The following CYP21A2 variants were observed in gnomAD, a reference collection of about 807,000 sequenced individuals.
The protein encoded by CYP21A2 is steroid 21-hydroxylase.
In CYP21A2, 24 loss-of-function variants were observed where a neutral mutation model predicts 47.4. The ratio of observed to expected loss-of-function variants is 0.51; its 90% confidence interval spans 0.37 to 0.71. CYP21A2 has a LOEUF of 0.71. CYP21A2 is among the 30% of genes least tolerant of loss of function. The pLI, the probability that CYP21A2 is intolerant of heterozygous loss-of-function variation, is 0.00. For missense variants in CYP21A2, 358 were observed against 643.2 expected, an observed-to-expected ratio of 0.56 and a Z score of 4.80; for synonymous variants, 130 against 273.9, an observed-to-expected ratio of 0.47 and a Z score of 5.19.
In CYP21A2 at chr6:32,039,992, T is replaced by C. The variant is rs748955498; in HGVS notation, c.739-13T>C. On this transcript the variant is annotated splice_polypyrimidine_tract_variant and intron_variant, in intron 6 of 9. Transcript: ENST00000644719. ...AGGCCAGCCGCTCAGCCCGCTCCTT[T>C]CACCCTCTGCAGGAGAGCCTCGTGG... 2.5e-6 allele frequency: 4 copies of C among 1,611,592 alleles called. No individual in the cohort carries two copies. Among genetic ancestry groups the C allele is most frequent in the African/African-American group, 1.3e-5 (1 of 74,750 alleles).
At chr6:32,039,876 C>T (rs1326596558) in intron 6 of CYP21A2, 41 bp downstream of exon 6, 4 of 1,608,062 alleles carry the variant, frequency 2.5e-6, no homozygotes, top group Non-Finnish European at 2.5e-6. Context: ...GGCCCACAGC[C>T]AGTGATGCTA....
chr6:32,038,694 C>T (rs745647843), intron 1 of CYP21A2, 28 bp from the exon 2 acceptor site: 28 of 1,484,382 alleles, frequency 1.9e-5, no homozygotes, highest in South Asian at 5.9e-5. Context: ...GTCCTCTCTC[C>T]GCTGACGCTG....
Position 32,038,746 on chromosome 6 carries a change from G to A in CYP21A2, c.227G>A (p.Arg76Lys), listed in dbSNP as rs368330593. The A allele has an allele frequency of 2.2e-4, 318 of 1,418,614 alleles. 1 individual carries two copies. The African/African-American group carries it at 4.1e-3, about 18-fold the overall frequency. The allele number at this position is 1,418,614 out of a possible 1,614,324, so 87.9% of individuals were successfully genotyped here. A position where few individuals can be genotyped will look rare whatever the true frequency, so the allele number is the denominator to read the frequency against. The change falls in exon 2 of 10, where the codon AGG becomes AAG. Residue 76 changes from arginine (R) to lysine (K), a missense_variant. Physicochemically the swap from Arg to Lys is conservative, Grantham distance 26 (BLOSUM62 2). Coordinates refer to ENST00000644719, the MANE Select transcript of CYP21A2 (RefSeq NM_000500.9). ...GATGTGGTGGTGCTGAACTCCAAGA[G>A]GACCATTGAGGAAGCCATGGTCAAA... is the stretch of plus-strand genomic sequence containing the variant. ...LQDVVVLNSK[R>K]TIEEAMVKKW...
rs1283921147 is a variant in CYP21A2 at position 32,041,487 on chromosome 6, A to C, written c.*353A>C. 8.6e-7 allele frequency: 1 copy of C among 1,168,420 alleles called. No homozygotes were observed. The highest frequency in any genetic ancestry group is 2.0e-5 in the Admixed American group (1 of 50,132). The allele number at this position is 1,168,420 out of a possible 1,614,324, so 72.4% of individuals were successfully genotyped here. Reference sequence around the variant, plus strand: ...GTTGTCAAGAGAGAGTCAAAGCCGGATGTCCCATCTGCTCTTCCCGTTCCC... The same window carrying C: ...GTTGTCAAGAGAGAGTCAAAGCCGGCTGTCCCATCTGCTCTTCCCGTTCCC... On this transcript the variant is annotated 3_prime_UTR_variant, in exon 10 of 10. Coordinates refer to ENST00000644719, the MANE Select transcript of CYP21A2 (RefSeq NM_000500.9).
At position 32,040,659 on chromosome 6, in the gene CYP21A2, C is replaced by T; in HGVS notation, c.1119-9C>T. ...GTCCTGGCCAGCCTCTAACTCCAGC[C>T]CCCTTCAGCATCTCCGGCTACGACA... On this transcript the variant is annotated splice_polypyrimidine_tract_variant and intron_variant, in intron 8 of 9. Coordinates refer to ENST00000644719, the MANE Select transcript of CYP21A2 (RefSeq NM_000500.9). 6.2e-7 allele frequency: 1 copy of T among 1,601,916 alleles called. No homozygotes were observed. Among genetic ancestry groups the T allele is most frequent in the Non-Finnish European group, 8.6e-7 (1 of 1,169,070 alleles).
chr6:32,039,808 CGTG>C lies in CYP21A2; in HGVS notation c.713_715del (p.Val238del). On this transcript the variant is annotated inframe_deletion, in exon 6 of 10. Transcript: ENST00000644719. Reference sequence around the variant, plus strand: ...AGGCCATAGAGAAGAGGGATCACATCGTGGAGATGCAGCTGAGGCAGCACAAGG... The same window carrying C: ...AGGCCATAGAGAAGAGGGATCACATCGAGATGCAGCTGAGGCAGCACAAGG... 6.2e-7 allele frequency: 1 copy of C among 1,613,954 alleles called. No homozygotes were observed. The highest frequency in any genetic ancestry group is 8.5e-7 in the Non-Finnish European group (1 of 1,179,932).
rs1244521853 is a variant in CYP21A2 at position 32,041,443 on chromosome 6, C to G, written c.*309C>G. ...CTCGAAGCCCTTCCAGTGGTACCAG[C>G]TCACTCCCTGGGAAAGGGGTTGTCA... is the stretch of plus-strand genomic sequence containing the variant. On this transcript the variant is annotated 3_prime_UTR_variant, in exon 10 of 10. Transcript: ENST00000644719. 2 of 943,714 alleles carry G rather than the reference C, an allele frequency of 2.1e-6. No individual in the cohort carries two copies. Among genetic ancestry groups the G allele is most frequent in the Admixed American group, 2.0e-5 (1 of 49,928 alleles). The allele number at this position is 943,714 out of a possible 1,614,324, so 58.5% of individuals were successfully genotyped here. A position where few individuals can be genotyped will look rare whatever the true frequency, so the allele number is the denominator to read the frequency against.
In CYP21A2 at chr6:32,041,554, G is replaced by T; in HGVS notation, c.*420G>T. 1 of 1,073,384 alleles carries T rather than the reference G, an allele frequency of 9.3e-7. No individual in the cohort carries two copies. Among genetic ancestry groups the T allele is most frequent in the Non-Finnish European group, 1.4e-6 (1 of 718,640 alleles). The allele number at this position is 1,073,384 out of a possible 1,614,324, so 66.5% of individuals were successfully genotyped here. On this transcript the variant is annotated 3_prime_UTR_variant, in exon 10 of 10. Transcript: ENST00000644719. Reference sequence around the variant, plus strand: ...CCAGCACTCAACCAACCTCCCCGCAGAGCTCCCTTCCTGACCCTCCGCTGC... The same window carrying T: ...CCAGCACTCAACCAACCTCCCCGCATAGCTCCCTTCCTGACCCTCCGCTGC...
Position 32,040,577 on chromosome 6 carries a change from C to A in CYP21A2, c.1111C>A (p.Pro371Thr). ...PLALPHRTTR[P>T]SSISGYDIPE... ...AGCCTTGCCCCACCGCACCACACGG[C>A]CCAGCAGGTGACTCCCGAGGGTTGG... is the stretch of plus-strand genomic sequence containing the variant. The change falls in exon 8 of 10, where the codon CCC becomes ACC. Residue 371 changes from proline to threonine, a missense_variant. Pro to Thr is a conservative substitution (Grantham distance 38). Transcript: ENST00000644719. 6.2e-7 allele frequency: 1 copy of A among 1,613,330 alleles called. No homozygotes were observed. The highest frequency in any genetic ancestry group is 2.2e-5 in the East Asian group (1 of 44,870).
rs1776235259 is a variant in CYP21A2 at position 32,040,538 on chromosome 6, C to T, written c.1072C>T (p.Pro358Ser). ...CATCGCCGAGGTGCTGCGCCTGCGG[C>T]CCGTTGTGCCCTTAGCCTTGCCCCA... ...ATIAEVLRLRPVVPLALPHRT... is the reference protein window; with the variant it reads ...ATIAEVLRLRSVVPLALPHRT... Residue 358 changes from proline (P) to serine (S), a missense_variant, in exon 8 of 10, where the codon CCC (proline) becomes TCC (serine). Transcript: ENST00000644719. 1 of 1,613,554 alleles carries T rather than the reference C, an allele frequency of 6.2e-7. No homozygotes were observed. The highest frequency in any genetic ancestry group is 1.3e-5 in the African/African-American group (1 of 74,952).
chr6:32,038,984 G>A lies in CYP21A2; in HGVS notation c.293-110G>A, dbSNP rs1197386901. ...CCAATCCAGGTCCCTGGAAGCTCTT[G>A]GGGGGGCATATCTGGTGGGGAGAAA... On this transcript the variant is annotated intron_variant, in intron 2 of 9. Transcript: ENST00000644719. The A allele has an allele frequency of 5.5e-6, 5 of 914,156 alleles. 1 individual carries two copies. Among genetic ancestry groups the A allele is most frequent in the Non-Finnish European group, 7.3e-6 (5 of 682,678 alleles). 56.6% of individuals were successfully genotyped at this position (914,156 alleles called of 1,614,324 possible).
At position 32,038,435 on chromosome 6, in the gene CYP21A2, G is replaced by T; in HGVS notation, c.13G>T (p.Gly5Cys). 3 of 1,543,474 alleles carry T rather than the reference G, an allele frequency of 1.9e-6. No homozygotes were observed. Among genetic ancestry groups the T allele is most frequent in the Non-Finnish European group, 2.6e-6 (3 of 1,142,688 alleles). Residue 5 changes from glycine to cysteine, a missense_variant, in exon 1 of 10, where the codon GGC (glycine) becomes TGC (cysteine). Physicochemically the swap from Gly to Cys is radical, Grantham distance 159. Transcript: ENST00000644719. MLLL[G>C]LLLLLPLLAG... is the part of the protein sequence containing the mutation. ...CGGGCGTCTCGCCATGCTGCTCCTG[G>T]GCCTGCTGCTGCTGCTGCCCCTGCT...
rs1776084008 is a variant in CYP21A2, at chr6:32,039,340, C to T, written c.448-16C>T. On this transcript the variant is annotated splice_polypyrimidine_tract_variant and intron_variant, in intron 3 of 9. Coordinates refer to ENST00000644719, the MANE Select transcript of CYP21A2 (RefSeq NM_000500.9). ...GCTGCACAGCGGCCTGCTGAACTCA[C>T]ACTGTTTCTCCACAGCGCATGAGAG... 1 of 1,601,486 alleles carries T rather than the reference C, an allele frequency of 6.2e-7. No individual in the cohort carries two copies. The highest frequency in any genetic ancestry group is 8.5e-7 in the Non-Finnish European group (1 of 1,173,988).
At chr6:32,040,276 C>T (rs1776207629) in intron 7 of CYP21A2, 71 bp downstream of exon 7, 2 of 1,612,502 alleles carry the variant, frequency 1.2e-6, no homozygotes, top group East Asian at 4.5e-5. Context: ...CCTCACTCAG[C>T]TCTGAGCACT....
rs10947229 is a variant in CYP21A2 at position 32,039,802 on chromosome 6, T to C, written c.705T>C (p.Asp235=). 55 of 1,613,982 alleles carry C rather than the reference T, an allele frequency of 3.4e-5. No individual in the cohort carries two copies. Among genetic ancestry groups the C allele is most frequent in the Middle Eastern group, 1.6e-4 (1 of 6,062 alleles). Residue 235 remains aspartate, a synonymous_variant, in exon 6 of 10, where the codon GAT becomes GAC. Coordinates refer to ENST00000644719, the MANE Select transcript of CYP21A2 (RefSeq NM_000500.9). The part of the protein sequence containing the change: ...RRLKQAIEKR[D]HIVEMQLRQH... ...TGAAGCAGGCCATAGAGAAGAGGGA[T>C]CACATCGTGGAGATGCAGCTGAGGC...
rs6471 is a variant in CYP21A2, at chr6:32,040,110, G to A, written c.844G>A (p.Val282Met). ...EGSGQLLEGH[V>M]HMAAVDLLIG... ...CTCTGGACAGCTCCTGGAAGGGCAC[G>A]TGCACATGGCTGCAGTGGACCTCCT... The change falls in exon 7 of 10, where the codon GTG becomes ATG. Residue 282 changes from valine to methionine, a missense_variant. Coordinates refer to ENST00000644719, the MANE Select transcript of CYP21A2 (RefSeq NM_000500.9). 12 of 1,607,240 alleles carry A rather than the reference G, an allele frequency of 7.5e-6. No homozygotes were observed. Among genetic ancestry groups the A allele is most frequent in the Admixed American group, 1.7e-5 (1 of 59,702 alleles).
rs530758070 is a variant in CYP21A2, at chr6:32,039,808, C to T, written c.711C>T (p.Ile237=). 9.9e-6 allele frequency: 16 copies of T among 1,613,956 alleles called. No homozygotes were observed. Among genetic ancestry groups the T allele is most frequent in the Non-Finnish European group, 1.2e-5 (14 of 1,179,934 alleles). ...AGGCCATAGAGAAGAGGGATCACAT[C>T]GTGGAGATGCAGCTGAGGCAGCACA... ...LKQAIEKRDH[I]VEMQLRQHKE... Residue 237 remains isoleucine (I), a synonymous_variant, in exon 6 of 10, where the codon ATC becomes ATT. Transcript: ENST00000644719.
chr6:32,041,606 G>T lies in CYP21A2; in HGVS notation c.*472G>T. 9.4e-7 allele frequency: 1 copy of T among 1,067,596 alleles called. No individual in the cohort carries two copies. The highest frequency in any genetic ancestry group is 1.4e-6 in the Non-Finnish European group (1 of 713,750). The allele number at this position is 1,067,596 out of a possible 1,614,324, so 66.1% of individuals were successfully genotyped here. A position where few individuals can be genotyped will look rare whatever the true frequency, so the allele number is the denominator to read the frequency against. On this transcript the variant is annotated 3_prime_UTR_variant, in exon 10 of 10. Transcript: ENST00000644719. ...GAGGATTGAGGCTTAATTCTGAGCTGGCCCTTTCCAGCCAATAAATCAACT... is the reference window on the plus strand; with the variant it reads ...GAGGATTGAGGCTTAATTCTGAGCTTGCCCTTTCCAGCCAATAAATCAACT...
rs1486537132 is a variant in CYP21A2 at position 32,039,741 on chromosome 6, T to C, written c.652-8T>C. 6.2e-7 allele frequency: 1 copy of C among 1,605,570 alleles called. No individual in the cohort carries two copies. The stretch of plus-strand genomic sequence containing the variant: ...CCCACAGCTGCATTCTCATGCTTCC[T>C]GCCGCAGTTCTTCCCCAATCCAGGT... On this transcript the variant is annotated splice_polypyrimidine_tract_variant and splice_region_variant and intron_variant, in intron 5 of 9. Coordinates refer to ENST00000644719, the MANE Select transcript of CYP21A2 (RefSeq NM_000500.9).
Sources: allele counts gnomAD v4.1 joint callset, GRCh38; gene constraint gnomAD v4.1.1; transcripts MANE v1.5; gene names NCBI Gene and HGNC (gene_info 2026-07-23, HGNC 2026-07-21).